The following AMBRA1 variants were observed in gnomAD, a reference collection of about 807,000 sequenced individuals.
AMBRA1 encodes autophagy and beclin 1 regulator 1, also known as activating molecule in BECN1-regulated autophagy protein 1.
In AMBRA1, 47 loss-of-function variants were observed where a neutral mutation model predicts 125.4. That is an observed-to-expected ratio of 0.37 (90% confidence interval 0.30 to 0.48). AMBRA1 has a LOEUF of 0.48. AMBRA1 is among the 20% of genes least tolerant of loss of function. The probability of loss-of-function intolerance (pLI) is 0.99; values close to 1 mark genes in which losing one functional copy is unlikely to be tolerated. For synonymous variants in AMBRA1, 626 were observed against 655.5 expected (o/e 0.95, Z 0.69); for missense variants, 1,331 against 1,693.4 (o/e 0.79, Z 3.76).
chr11:46,566,542 C>T (rs1466649161), intron 1 of AMBRA1, among the ~76,000 whole-genome samples: 2 of 152,096 alleles, frequency 1.3e-5, no homozygotes, highest in African/African-American at 2.4e-5. Flanking sequence ...ATACAACATT[C>T]TTAAAATGAC....
intron 11 of AMBRA1, among the ~76,000 whole-genome samples, chr11:46,473,254 C>T (rs1949676533): frequency 6.6e-6 from 1 of 152,208 alleles, no homozygotes; most frequent in Admixed American, 6.5e-5. Context: ...TCTGTGATAG[C>T]CAGGAAGAGA....
chr11:46,585,497 C>T (rs1338056682), intron 1 of AMBRA1, among the ~76,000 whole-genome samples: 7 of 147,566 alleles, frequency 4.7e-5, no homozygotes, highest in Non-Finnish European at 9.0e-5. Flanking sequence ...GAAAGCCCGA[C>T]TCTACTAAAA....
At chr11:46,399,129 C>CAATG (rs1474019620) in intron 17 of AMBRA1, among the ~76,000 whole-genome samples, 1 of 152,072 alleles carries the variant, frequency 6.6e-6, no homozygotes, top group East Asian at 1.9e-4. Flanking sequence ...GGCTGGAGTG[C>CAATG]AATGATGCGA....
At chr11:46,480,391 T>C (rs1950013074) in intron 11 of AMBRA1, among the ~76,000 whole-genome samples, 1 of 151,882 alleles carries the variant, frequency 6.6e-6, no homozygotes, top group African/African-American at 2.4e-5. Flanking sequence ...CAAACTGCAA[T>C]TGGACTCGCA....
intron 11 of AMBRA1, among the ~76,000 whole-genome samples, chr11:46,448,552 AAAG>A (rs1948423999): frequency 6.6e-6 from 1 of 152,196 alleles, no homozygotes; most frequent in South Asian, 2.1e-4. Context: ...CTACCATAAG[AAAG>A]AAGAAAAAGA....
At chr11:46,411,099 C>CAAAAAAAA (rs59903160) in intron 15 of AMBRA1, among the ~76,000 whole-genome samples, 1 of 60,188 alleles carries the variant, frequency 1.7e-5, no homozygotes, top group Non-Finnish European at 3.2e-5. Context: ...GACTCTGTCT[C>CAAAAAAAA]AAAAAAAAAA....
At chr11:46,447,776 ATAGT>A (rs1333735658) in intron 11 of AMBRA1, among the ~76,000 whole-genome samples, 4 of 132,862 alleles carry the variant, frequency 3.0e-5, no homozygotes, top group African/African-American at 1.1e-4. Flanking sequence ...AGATAGATAG[ATAGT>A]GATGGCAAAT....
chr11:46,428,592 C>CT (rs71038902), intron 14 of AMBRA1: 76 of 955,734 alleles, frequency 8.0e-5, no homozygotes, highest in East Asian at 6.8e-4. Context: ...TCTTCTTCTT[C>CT]TTTTTTTTTT....
intron 1 of AMBRA1, among the ~76,000 whole-genome samples, chr11:46,550,989 C>CA (rs1315397497): frequency 6.8e-6 from 1 of 147,416 alleles, no homozygotes; most frequent in East Asian, 2.0e-4. Flanking sequence ...CCCAGCTACT[C>CA]AGGAGGCTGA....
chr11:46,440,049 TG>T (rs1947927326), intron 12 of AMBRA1, among the ~76,000 whole-genome samples: 1 of 152,074 alleles, frequency 6.6e-6, no homozygotes, highest in South Asian at 2.1e-4. Flanking sequence ...GTATAGAGTG[TG>T]GTATGGCAAT....
chr11:46,553,744 C>CAAA (rs113211612), intron 1 of AMBRA1, among the ~76,000 whole-genome samples: 2 of 144,484 alleles, frequency 1.4e-5, no homozygotes, highest in African/African-American at 5.1e-5. Flanking sequence ...GACTCCATCT[C>CAAA]AAAAAAAAAA....
intron 17 of AMBRA1, among the ~76,000 whole-genome samples, chr11:46,400,517 G>T (rs1186994436): frequency 1.1e-5 from 1 of 90,818 alleles, no homozygotes; most frequent in Non-Finnish European, 1.9e-5. Context: ...TTTGAGACCA[G>T]GTCTCGCTAT....
chr11:46,533,405 CTT>C (rs1184559158), intron 7 of AMBRA1, among the ~76,000 whole-genome samples: 2 of 152,138 alleles, frequency 1.3e-5, no homozygotes, highest in African/African-American at 2.4e-5. Context: ...TTTATGATCT[CTT>C]GTTTACTATT....
intron 11 of AMBRA1, among the ~76,000 whole-genome samples, chr11:46,475,346 T>C (rs992767264): frequency 9.2e-5 from 14 of 152,170 alleles, no homozygotes; most frequent in South Asian, 6.2e-4. Flanking sequence ...AAAGGGAAGA[T>C]AGACAAAATA....
intron 9 of AMBRA1, chr11:46,495,080 C>T (rs1055999476): frequency 2.6e-5 from 4 of 152,218 alleles, no homozygotes; most frequent in African/African-American, 9.6e-5. Flanking sequence ...AGTCCTAGAT[C>T]TTTCCACTAC....
intron 1 of AMBRA1, among the ~76,000 whole-genome samples, chr11:46,581,671 G>A (rs1044978586): frequency 7.9e-5 from 12 of 151,708 alleles, no homozygotes; most frequent in Non-Finnish European, 1.0e-4. Context: ...GTGGTGGCAC[G>A]TGCCTGTAGT....
At chr11:46,580,216 T>G (rs908129691) in intron 1 of AMBRA1, among the ~76,000 whole-genome samples, 1 of 152,210 alleles carries the variant, frequency 6.6e-6, no homozygotes, top group Admixed American at 6.5e-5. Context: ...GTTTCTCTAA[T>G]AACAAGCTCT....
chr11:46,492,823 G>A (rs541434994), intron 11 of AMBRA1, among the ~76,000 whole-genome samples: 1 of 152,334 alleles, frequency 6.6e-6, no homozygotes, highest in South Asian at 2.1e-4. Context: ...GCTGAGGCAG[G>A]CAGATCACGA....
At position 46,408,556 on chromosome 11, in the gene AMBRA1, C is replaced by T. The variant is rs767682480; in HGVS notation, c.3360G>A (p.Arg1120=). Residue 1120 remains arginine, a synonymous_variant, in exon 17 of 18, where the codon AGG becomes AGA. Transcript: ENST00000683756. ...QLQNAETQTE[R]EVPEPGTAAS... ...CGGCTGTCCCTGGCTCCGGCACCTC[C>T]CTCTCAGTCTGTGTTTCGGCATTCT... The T allele has an allele frequency of 1.3e-5, 21 of 1,598,144 alleles. No individual in the cohort carries two copies. The East Asian group carries it at 4.8e-4, about 36-fold the overall frequency.
Sources: allele counts gnomAD v4.1 joint callset (sites outside exome capture counted in the v4.1 genomes callset), GRCh38; gene constraint gnomAD v4.1.1; transcripts MANE v1.5; gene names NCBI Gene and HGNC (gene_info 2026-07-23, HGNC 2026-07-21).